The following DST variants were observed in gnomAD, a reference collection of about 807,000 sequenced individuals.
The protein encoded by DST is dystonin, also known as bullous pemphigoid antigen.
Under a neutral mutation model 875.2 loss-of-function variants are expected in DST, and 253 were observed. That is an observed-to-expected ratio of 0.29 (90% confidence interval 0.26 to 0.32). The LOEUF is 0.32. Ranked by LOEUF, DST falls within the 10% of genes least tolerant of loss-of-function variation. The pLI is 1.00. For synonymous variants in DST, 3,124 were observed against 3,197.1 expected (o/e 0.98, Z 0.77); for missense variants, 8,287 against 9,111.6 (o/e 0.91, Z 3.68).
chr6:56,786,895 T>TA (rs1231734675), intron 4 of DST, among the ~76,000 whole-genome samples: 1 of 152,160 alleles, frequency 6.6e-6, no homozygotes, highest in East Asian at 1.9e-4. Flanking sequence ...AATGAGGGGA[T>TA]AAAAAAATCA....
rs369165013 is a variant in DST at position 56,497,496 on chromosome 6, G to A, written c.20106C>T (p.Phe6702=). ...LDGALRQAKG[F]HGEIEDLQQW... is the part of the protein sequence containing the mutation. ...GCTGCAAATCCTCAATTTCGCCATGGAACCCTTTGGCCTGAAGTAATAGGC... is the reference window on the plus strand; with the variant it reads ...GCTGCAAATCCTCAATTTCGCCATGAAACCCTTTGGCCTGAAGTAATAGGC... The change falls in exon 82 of 104, where the codon TTC becomes TTT. Residue 6702 remains phenylalanine, a synonymous_variant. Transcript: ENST00000680361. The A allele has an allele frequency of 6.8e-6, 11 of 1,612,652 alleles. No individual in the cohort carries two copies. Among genetic ancestry groups the A allele is most frequent in the African/African-American group, 4.0e-5 (3 of 74,846 alleles).
At chr6:56,925,040 A>G (rs1000086029) in intron 2 of DST, among the ~76,000 whole-genome samples, 26 of 152,222 alleles carry the variant, frequency 1.7e-4, no homozygotes, top group African/African-American at 6.3e-4. Context: ...CATAGTAGGA[A>G]AGAGATGGGG....
intron 102 of DST, among the ~76,000 whole-genome samples, chr6:56,462,675 C>T (rs563014224): frequency 8.8e-4 from 134 of 152,114 alleles, no homozygotes; most frequent in South Asian, 7.3e-3. Context: ...GCACTTCTTG[C>T]CCATATTATA....
intron 9 of DST, among the ~76,000 whole-genome samples, chr6:56,698,595 G>T (rs1432759187): frequency 6.6e-6 from 1 of 152,184 alleles, no homozygotes; most frequent in Non-Finnish European, 1.5e-5. Context: ...AAAGTGTTGG[G>T]ATTACAGGCG....
At chr6:56,504,841 A>C (rs1190401884) in intron 77 of DST, among the ~76,000 whole-genome samples, 1 of 152,094 alleles carries the variant, frequency 6.6e-6, no homozygotes. Context: ...GACTATAGGC[A>C]CATGCCACCA....
intron 61 of DST, among the ~76,000 whole-genome samples, chr6:56,543,905 G>A (rs111753704): frequency 0.037 from 5,573 of 151,996 alleles, 125 homozygotes; most frequent in African/African-American, 0.047. Flanking sequence ...AAACTCTATC[G>A]GTAACTCATC....
intron 3 of DST, among the ~76,000 whole-genome samples, chr6:56,896,881 T>C (rs1791590995): frequency 6.6e-6 from 1 of 152,244 alleles, no homozygotes; most frequent in African/African-American, 2.4e-5. Flanking sequence ...GTCAGATGTA[T>C]AGATTGTGCA....
intron 47 of DST, among the ~76,000 whole-genome samples, chr6:56,596,324 G>A (rs2098386353): frequency 6.6e-6 from 1 of 152,124 alleles, no homozygotes; most frequent in African/African-American, 2.4e-5. Flanking sequence ...ACCACGCCTG[G>A]CCCAGATTAG....
chr6:56,595,982 T>C (rs2098375494), intron 47 of DST, among the ~76,000 whole-genome samples: 1 of 150,392 alleles, frequency 6.6e-6, no homozygotes, highest in Non-Finnish European at 1.5e-5. Context: ...CCTCTCTCCA[T>C]GCTGCCAGAT....
At chr6:56,551,907 G>A (rs1028850199) in intron 61 of DST, among the ~76,000 whole-genome samples, 1 of 152,122 alleles carries the variant, frequency 6.6e-6, no homozygotes, top group Non-Finnish European at 1.5e-5. Flanking sequence ...TTCCAGAAAT[G>A]GACCCTATGA....
At chr6:56,639,085 T>TA (rs1291209480) in intron 22 of DST, 174 bp downstream of exon 22, 1 of 649,738 alleles carries the variant, frequency 1.5e-6, no homozygotes, top group Non-Finnish European at 2.7e-6. Context: ...ATGGGTGACA[T>TA]ACTTAGAGCC....
At chr6:56,710,314 G>A (rs891547115) in intron 5 of DST, among the ~76,000 whole-genome samples, 2 of 152,094 alleles carry the variant, frequency 1.3e-5, no homozygotes, top group Admixed American at 1.3e-4. Flanking sequence ...TTCACAGTCC[G>A]CTCTTAAAGA....
chr6:56,934,012 T>C (rs1169390566), intron 2 of DST, among the ~76,000 whole-genome samples: 1 of 152,102 alleles, frequency 6.6e-6, no homozygotes, highest in Non-Finnish European at 1.5e-5. Context: ...TTACATTTTG[T>C]TTTATTTTAT....
chr6:56,586,804 C>G (rs1296756426), intron 49 of DST, among the ~76,000 whole-genome samples: 1 of 152,218 alleles, frequency 6.6e-6, no homozygotes, highest in Non-Finnish European at 1.5e-5. Flanking sequence ...CAAACAGGGT[C>G]TGGAGTGGAC....
chr6:56,550,514 A>G (rs917064018), intron 61 of DST, among the ~76,000 whole-genome samples: 59 of 152,218 alleles, frequency 3.9e-4, no homozygotes, highest in Non-Finnish European at 1.8e-4. Flanking sequence ...AGCTCCTCCT[A>G]TCTCTTGCTT....
chr6:56,656,013 G>T (rs1332785751), intron 10 of DST, among the ~76,000 whole-genome samples: 1 of 152,118 alleles, frequency 6.6e-6, no homozygotes, highest in South Asian at 2.1e-4. Context: ...AAATAATAAA[G>T]AAAAACATGA....
Position 56,498,033 on chromosome 6 carries a change from T to G in DST, c.19917A>C (p.Leu6639Phe). The change falls in exon 81 of 104, where the codon TTA becomes TTC. Residue 6639 changes from leucine (L) to phenylalanine (F), a missense_variant. Leu to Phe is a conservative substitution (Grantham distance 22). Around this residue, in one of 10 missense-constraint regions of DST, gnomAD observed 1,292 missense variants for 1,552.7 expected, o/e 0.83. Coordinates refer to ENST00000680361, the MANE Select transcript of DST (RefSeq NM_001374736.1). ...AKHHVLQNDV[L>F]AHQSTVEAVN... ...CGGCTTCCACTGTGGACTGATGGGC[T>G]AATACATCATTTTGGAGCACCTGAA... 1 of 1,612,446 alleles carries G rather than the reference T, an allele frequency of 6.2e-7. No homozygotes were observed. Among genetic ancestry groups the G allele is most frequent in the Non-Finnish European group, 8.5e-7 (1 of 1,179,164 alleles).
In DST at chr6:56,611,544, T is replaced by C; in HGVS notation, c.5111A>G (p.Gln1704Arg). The stretch of plus-strand genomic sequence containing the variant: ...TTTTGCCAAAAAAAGCTGTATAGTT[T>C]GAAGTGCTTCCGATAATTGTTCCTT... ...TKKEQLSEAL[Q>R]TIQLFLAKHG... The change falls in exon 38 of 104, where the codon CAA (glutamine) becomes CGA (arginine). Residue 1704 changes from glutamine to arginine, a missense_variant. Gln to Arg is a conservative substitution (Grantham distance 43). Coordinates refer to ENST00000680361, the MANE Select transcript of DST (RefSeq NM_001374736.1). 1.2e-6 allele frequency: 2 copies of C among 1,613,298 alleles called. No individual in the cohort carries two copies. Among genetic ancestry groups the C allele is most frequent in the Non-Finnish European group, 1.7e-6 (2 of 1,179,536 alleles).
chr6:56,859,742 A>G (rs1769990803), intron 3 of DST, among the ~76,000 whole-genome samples: 1 of 152,240 alleles, frequency 6.6e-6, no homozygotes, highest in South Asian at 2.1e-4. Flanking sequence ...GGAGAGCAGA[A>G]GTGACAAAAT....
Sources: allele counts gnomAD v4.1 joint callset (sites outside exome capture counted in the v4.1 genomes callset), GRCh38; gene constraint gnomAD v4.1.1; regional missense constraint gnomAD v4.1.1; transcripts MANE v1.5; gene names NCBI Gene and HGNC (gene_info 2026-07-23, HGNC 2026-07-21).